The following PHC3 variants were observed in gnomAD, a reference collection of about 807,000 sequenced individuals.
PHC3 encodes the protein polyhomeotic-like protein 3.
In PHC3, 13 loss-of-function variants were observed where a neutral mutation model predicts 107.4. That is an observed-to-expected ratio of 0.12 (90% confidence interval 0.08 to 0.19). The LOEUF (loss-of-function observed/expected upper bound fraction) is 0.19, where lower values mean the gene tolerates loss of function less well. PHC3 is among the 10% of genes least tolerant of loss of function. The probability of loss-of-function intolerance (pLI) is 1.00; values close to 1 mark genes in which losing one functional copy is unlikely to be tolerated. For synonymous variants in PHC3, 456 were observed against 427.4 expected (o/e 1.07, Z -0.83); for missense variants, 992 against 1,210.9 (o/e 0.82, Z 2.68).
chr3:170,152,163 TTTG>T (rs1282992607), intron 4 of PHC3, among the ~76,000 whole-genome samples: 1 of 151,480 alleles, frequency 6.6e-6, no homozygotes, highest in African/African-American at 2.4e-5. Flanking sequence ...TTTGTTTGTT[TTTG>T]TTTTGTTTTG....
chr3:170,158,476 C>CGT (rs1727252396), intron 4 of PHC3, among the ~76,000 whole-genome samples: 1 of 152,034 alleles, frequency 6.6e-6, no homozygotes, highest in Non-Finnish European at 1.5e-5. Flanking sequence ...GTGGCAGGCA[C>CGT]CTGTAATCCC....
At chr3:170,104,056 C>G (rs1715996436) in intron 12 of PHC3, among the ~76,000 whole-genome samples, 2 of 151,746 alleles carry the variant, frequency 1.3e-5, no homozygotes, top group Admixed American at 6.6e-5. Context: ...GGTGACAGAG[C>G]CAGACCCTGA....
intron 4 of PHC3, among the ~76,000 whole-genome samples, chr3:170,162,466 T>G (rs542662410): frequency 2.6e-5 from 4 of 152,310 alleles, no homozygotes; most frequent in African/African-American, 9.6e-5. Flanking sequence ...CTCACATCTT[T>G]TATTCAGTGC....
chr3:170,112,054 C>T (rs1377572148), intron 11 of PHC3, among the ~76,000 whole-genome samples: 3 of 152,172 alleles, frequency 2.0e-5, no homozygotes, highest in African/African-American at 7.2e-5. Flanking sequence ...CAAAAAGATG[C>T]TCCTATAGAA....
intron 4 of PHC3, among the ~76,000 whole-genome samples, chr3:170,151,069 G>C (rs1020775922): frequency 6.6e-6 from 1 of 151,990 alleles, no homozygotes; most frequent in African/African-American, 2.4e-5. Flanking sequence ...AAATTAGCCA[G>C]GTGTGATGGC....
chr3:170,103,075 T>G, intron 12 of PHC3, 141 bp from the exon 13 acceptor site: 1 of 867,078 alleles, frequency 1.2e-6, no homozygotes, highest in Admixed American at 2.7e-5. Flanking sequence ...ATAAAGTAAC[T>G]ACACTGTTCA....
chr3:170,147,030 G>A (rs1725090746), intron 5 of PHC3, among the ~76,000 whole-genome samples: 1 of 151,568 alleles, frequency 6.6e-6, no homozygotes, highest in Admixed American at 6.6e-5. Context: ...TTACAAGCGT[G>A]AGTAATTTTT....
Position 170,117,227 on chromosome 3 carries a change from G to A in PHC3, c.2192C>T (p.Pro731Leu), listed in dbSNP as rs1170505378. Residue 731 changes from proline (P) to leucine (L), a missense_variant and splice_region_variant, in exon 10 of 15, where the codon CCT (proline) becomes CTT (leucine). Transcript: ENST00000495893. ...CACACAAATATGCTTGCTACTTACA[G>A]GAAATGGCTCCAATCCCTCCTGAAT... is the stretch of plus-strand genomic sequence containing the variant. ...FVIQEGLEPF[P>L]VSRSSLLIEQ... 6.2e-7 allele frequency: 1 copy of A among 1,613,954 alleles called. No homozygotes were observed. Among genetic ancestry groups the A allele is most frequent in the Admixed American group, 1.7e-5 (1 of 60,028 alleles).
rs1186785453 is a variant in PHC3, at chr3:170,095,721, T to A, written c.*1509A>T. Reference sequence around the variant, plus strand: ...AAAGATGAAAACAAAACATTCATCATCTCAAATAAAATTTTTGATGTCCAG... The same window carrying A: ...AAAGATGAAAACAAAACATTCATCAACTCAAATAAAATTTTTGATGTCCAG... On this transcript the variant is annotated 3_prime_UTR_variant, in exon 15 of 15. Coordinates refer to ENST00000495893, the MANE Select transcript of PHC3 (RefSeq NM_024947.4). 1 of 152,194 alleles carries A rather than the reference T, an allele frequency of 6.6e-6. No homozygotes were observed. Among genetic ancestry groups the A allele is most frequent in the East Asian group, 1.9e-4 (1 of 5,198 alleles). The allele number at this position is 152,194 out of a possible 1,614,324, so 9.4% of individuals were successfully genotyped here.
At chr3:170,180,217 G>C (rs566411465) in intron 1 of PHC3, among the ~76,000 whole-genome samples, 3 of 152,006 alleles carry the variant, frequency 2.0e-5, no homozygotes, top group African/African-American at 7.2e-5. Context: ...ACCACTCAGG[G>C]GGAGGACTGC....
At chr3:170,123,614 C>A (rs1720783212) in intron 8 of PHC3, among the ~76,000 whole-genome samples, 2 of 151,730 alleles carry the variant, frequency 1.3e-5, no homozygotes, top group South Asian at 4.2e-4. Context: ...CATGGTGAAA[C>A]CCTACCTCTA....
intron 12 of PHC3, among the ~76,000 whole-genome samples, chr3:170,105,436 T>C (rs1382338342): frequency 6.6e-6 from 1 of 152,190 alleles, no homozygotes; most frequent in African/African-American, 2.4e-5. Context: ...GGAAATAACC[T>C]ATACGAAATA....
At chr3:170,156,154 T>C (rs1726864159) in intron 4 of PHC3, among the ~76,000 whole-genome samples, 1 of 152,196 alleles carries the variant, frequency 6.6e-6, no homozygotes, top group African/African-American at 2.4e-5. Context: ...GGGGTCTACG[T>C]AGTTCAGGCT....
intron 10 of PHC3, among the ~76,000 whole-genome samples, chr3:170,115,909 T>C (rs142480029): frequency 0.017 from 1,871 of 109,832 alleles, 41 homozygotes; most frequent in African/African-American, 0.06. Flanking sequence ...ACACACGAAA[T>C]TGAACACAAA....
At chr3:170,123,909 C>T (rs1418076179) in intron 8 of PHC3, among the ~76,000 whole-genome samples, 5 of 151,862 alleles carry the variant, frequency 3.3e-5, no homozygotes, top group African/African-American at 7.3e-5. Context: ...TGCAGTGGTG[C>T]GATCTCAGCT....
At chr3:170,177,243 T>A (rs991843142) in intron 2 of PHC3, among the ~76,000 whole-genome samples, 30 of 152,218 alleles carry the variant, frequency 2.0e-4, no homozygotes, top group African/African-American at 6.8e-4. Flanking sequence ...ACAACCATTC[T>A]GTATGTTGGG....
rs981120345 is a variant in PHC3, at chr3:170,126,510, A to G, written c.1788+2174T>C. Among the ~76,000 whole-genome samples, 187 of 83,412 alleles carry G rather than the reference A, an allele frequency of 2.2e-3. 2 individuals are homozygous for G. The highest frequency in any genetic ancestry group is 8.6e-3 in the African/African-American group (174 of 20,336). 54.7% of individuals were successfully genotyped at this position (83,412 alleles called of 152,430 possible). A position where few individuals can be genotyped will look rare whatever the true frequency, so the allele number is the denominator to read the frequency against. On this transcript the variant is annotated intron_variant, in intron 8 of 14. Transcript: ENST00000495893. ...AAAGTATTATGCTCCATATGTATAT[A>G]TATATATATATATATATATTTTTTT...
rs1714471728 is a variant in PHC3, at chr3:170,094,872, G to C, written c.*2358C>G. 1 of 152,098 alleles carries C rather than the reference G, an allele frequency of 6.6e-6. No homozygotes were observed. Among genetic ancestry groups the C allele is most frequent in the Admixed American group, 6.6e-5 (1 of 15,252 alleles). 9.4% of individuals were successfully genotyped at this position (152,098 alleles called of 1,614,324 possible). ...GGCACAGGGGCTTTCAATAAGTACA[G>C]AATGGCTGCTATTAGGAAAGAGAAC... On this transcript the variant is annotated 3_prime_UTR_variant, in exon 15 of 15. Transcript: ENST00000495893.
intron 4 of PHC3, among the ~76,000 whole-genome samples, chr3:170,165,753 C>CAAAAAAAAAA (rs1201987701): frequency 2.4e-5 from 1 of 41,076 alleles, no homozygotes; most frequent in African/African-American, 9.0e-5. Flanking sequence ...GACCTTGTCT[C>CAAAAAAAAAA]AAAAAAAAAA....
Sources: allele counts gnomAD v4.1 joint callset (sites outside exome capture counted in the v4.1 genomes callset), GRCh38; gene constraint gnomAD v4.1.1; transcripts MANE v1.5; gene names NCBI Gene and HGNC (gene_info 2026-07-23, HGNC 2026-07-21).